Variants in GALNT13 observed in about 807,000 individuals in gnomAD.
GALNT13 encodes polypeptide N-acetylgalactosaminyltransferase 13.
Under a neutral mutation model 64.2 loss-of-function variants are expected in GALNT13, and 28 were observed. The ratio of observed to expected loss-of-function variants is 0.44; its 90% CI spans 0.32 to 0.60. The LOEUF (loss-of-function observed/expected upper bound fraction) is 0.60, where lower values mean the gene tolerates loss of function less well. GALNT13 is among the 20% of genes least tolerant of loss of function. The pLI is 0.05. For synonymous variants in GALNT13, 214 were observed against 224.6 expected (o/e 0.95, Z 0.42); for missense variants, 577 against 669.8 (o/e 0.86, Z 1.53).
intron 3 of GALNT13, among the ~76,000 whole-genome samples, chr2:154,094,107 A>C (rs1701956659): frequency 6.6e-6 from 1 of 151,924 alleles, no homozygotes; most frequent in African/African-American, 2.4e-5. Context: ...TTATGCAGAT[A>C]AGTTGTTATT....
At chr2:153,555,550 TA>T in the GALNT13 span, among the ~76,000 whole-genome samples, 1 of 152,232 alleles carries the variant, frequency 6.6e-6, no homozygotes, top group South Asian at 2.1e-4. Context: ...GGATAAGTGT[TA>T]TGGGCTAGGC....
chr2:153,431,131 CAG>C, the GALNT13 span, among the ~76,000 whole-genome samples: 1 of 139,536 alleles, frequency 7.2e-6, no homozygotes, highest in South Asian at 2.3e-4. Flanking sequence ...GCCTAGGCAA[CAG>C]AGAGAGACTC....
At chr2:153,442,123 CAATACCT>C in the GALNT13 span, among the ~76,000 whole-genome samples, 1 of 152,116 alleles carries the variant, frequency 6.6e-6, no homozygotes, top group African/African-American at 2.4e-5. Context: ...TACAGTCCAT[CAATACCT>C]AGTTTATTGA....
chr2:154,088,613 A>G (rs1701649675), intron 3 of GALNT13, among the ~76,000 whole-genome samples: 1 of 151,880 alleles, frequency 6.6e-6, no homozygotes, highest in Admixed American at 6.6e-5. Flanking sequence ...CACCACACCC[A>G]GTTTATTTTT....
chr2:153,869,805 G>T (rs764987204), upstream of GALNT13, among the ~76,000 whole-genome samples: 1 of 151,978 alleles, frequency 6.6e-6, no homozygotes, highest in Non-Finnish European at 1.5e-5. Flanking sequence ...CTCCCATCAA[G>T]ACATGGACTA....
chr2:153,254,697 T>A, the GALNT13 span, among the ~76,000 whole-genome samples: 2 of 152,186 alleles, frequency 1.3e-5, no homozygotes, highest in African/African-American at 4.8e-5. Context: ...TCAAAGAACA[T>A]CTTTATTTCT....
intron 9 of GALNT13, among the ~76,000 whole-genome samples, chr2:154,350,356 G>A (rs72999346): frequency 0.11 from 17,000 of 152,168 alleles, 1,446 homozygotes; most frequent in East Asian, 0.47. Flanking sequence ...GGACTAGACT[G>A]GCTGACTCTT....
intron 3 of GALNT13, among the ~76,000 whole-genome samples, chr2:154,024,571 G>T (rs1007844650): frequency 6.6e-6 from 1 of 151,978 alleles, no homozygotes; most frequent in Non-Finnish European, 1.5e-5. Context: ...CTCTGCGTTG[G>T]TTATTCTAGT....
chr2:153,777,271 A>C, the GALNT13 span, among the ~76,000 whole-genome samples: 1 of 152,092 alleles, frequency 6.6e-6, no homozygotes, highest in African/African-American at 2.4e-5. Context: ...AGTCACCTCT[A>C]TTATCTTTGT....
chr2:153,285,775 C>T, the GALNT13 span, among the ~76,000 whole-genome samples: 7 of 152,036 alleles, frequency 4.6e-5, no homozygotes, highest in East Asian at 9.7e-4. Flanking sequence ...TTTAAAAGCA[C>T]TAGCCAATGC....
At chr2:154,024,652 C>G (rs1279696236) in intron 3 of GALNT13, among the ~76,000 whole-genome samples, 1 of 152,120 alleles carries the variant, frequency 6.6e-6, no homozygotes, top group East Asian at 1.9e-4. Flanking sequence ...CCTCCTGTAG[C>G]TCGGAGTAGT....
chr2:153,507,630 G>C, the GALNT13 span, among the ~76,000 whole-genome samples: 1 of 152,270 alleles, frequency 6.6e-6, no homozygotes, highest in Middle Eastern at 3.4e-3. Flanking sequence ...GTGCCTGCTT[G>C]ATTAGCTTAA....
chr2:153,640,936 A>C, the GALNT13 span, among the ~76,000 whole-genome samples: 9 of 152,008 alleles, frequency 5.9e-5, no homozygotes, highest in East Asian at 1.5e-3. Flanking sequence ...TTTTTTTTTC[A>C]GCTCTTCATC....
the GALNT13 span, among the ~76,000 whole-genome samples, chr2:153,384,910 G>A: frequency 6.6e-6 from 1 of 151,988 alleles, no homozygotes; most frequent in Non-Finnish European, 1.5e-5. Flanking sequence ...AGAGTTTGAA[G>A]AACTATAGGG....
At chr2:153,636,457 T>C in the GALNT13 span, among the ~76,000 whole-genome samples, 1 of 152,182 alleles carries the variant, frequency 6.6e-6, no homozygotes, top group Non-Finnish European at 1.5e-5. Flanking sequence ...TTTTATTTAA[T>C]AGGCAGAATT....
chr2:154,361,232 T>C (rs547161969), intron 9 of GALNT13, among the ~76,000 whole-genome samples: 27 of 152,246 alleles, frequency 1.8e-4, no homozygotes, highest in Admixed American at 1.8e-3. Flanking sequence ...TGTTGTAGAT[T>C]AATTTGTATG....
chr2:153,877,467 A>G (rs1686458977), intron 1 of GALNT13, among the ~76,000 whole-genome samples: 1 of 152,180 alleles, frequency 6.6e-6, no homozygotes, highest in South Asian at 2.1e-4. Context: ...ATCAAAAATC[A>G]TCCAAATAAC....
intron 3 of GALNT13, among the ~76,000 whole-genome samples, chr2:154,008,516 G>A (rs1348083748): frequency 6.6e-6 from 1 of 151,976 alleles, no homozygotes; most frequent in African/African-American, 2.4e-5. Flanking sequence ...TGGTAATACA[G>A]ATTATTTAAT....
chr2:154,100,574 G>A (rs571759198), intron 3 of GALNT13, among the ~76,000 whole-genome samples: 1 of 152,244 alleles, frequency 6.6e-6, no homozygotes, highest in African/African-American at 2.4e-5. Flanking sequence ...AAACTTTACT[G>A]TAGTCGTTTA....
Sources: allele counts gnomAD v4.1 joint callset (sites outside exome capture counted in the v4.1 genomes callset), GRCh38; gene constraint gnomAD v4.1.1; transcripts MANE v1.5; gene names NCBI Gene and HGNC (gene_info 2026-07-23, HGNC 2026-07-21).